Variants in GATAD2A observed in about 807,000 individuals in gnomAD.
The protein encoded by GATAD2A is GATA zinc finger domain containing 2A, also known as transcriptional repressor p66-alpha.
A neutral mutation model predicts 68.5 loss-of-function variants in GATAD2A; 12 were observed. The ratio of observed to expected loss-of-function variants is 0.18; its 90% confidence interval spans 0.11 to 0.28. The LOEUF is 0.28. Among genes scored for constraint, GATAD2A ranks in the 10% least tolerant of loss-of-function variants. The pLI is 1.00. For missense variants in GATAD2A, 755 were observed against 868.5 expected (o/e 0.87, Z 1.64); for synonymous variants, 410 against 375.3 (o/e 1.09, Z -1.07).
At chr19:19,401,430 G>A (rs1228876634), upstream of GATAD2A, among the ~76,000 whole-genome samples, 1 of 151,938 alleles carries the variant, frequency 6.6e-6, no homozygotes, top group Non-Finnish European at 1.5e-5. Context: ...AGCCAGGATG[G>A]TCTCGATCTC....
chr19:19,390,899 G>T (rs540068658), intron 1 of GATAD2A, among the ~76,000 whole-genome samples: 1 of 152,078 alleles, frequency 6.6e-6, no homozygotes, highest in African/African-American at 2.4e-5. Context: ...GCCATTTGAC[G>T]CCACACAATA....
At position 19,454,728 on chromosome 19, in the gene GATAD2A, GC is replaced by G. The variant is rs60087917; in HGVS notation, c.-6-10603del. Among the ~76,000 whole-genome samples the G allele has an allele frequency of 3.9e-4, 47 of 121,702 alleles. 2 individuals are homozygous for G. In the East Asian group the frequency reaches 4.1e-3, roughly 11 times the overall value. 79.8% of individuals were successfully genotyped at this position (121,702 alleles called of 152,430 possible). On this transcript the variant is annotated intron_variant, in intron 1 of 11. Coordinates refer to ENST00000683918, the MANE Select transcript of GATAD2A (RefSeq NM_001384528.1). Reference sequence around the variant, plus strand: ...TGGGATTACAGGTGTGAGCCACTGTGCCCCCCCCCACCCCCTTAGGTTTCTG... The same window carrying G: ...TGGGATTACAGGTGTGAGCCACTGTGCCCCCCCCACCCCCTTAGGTTTCTG...
chr19:19,498,166 A>C (rs2060273279), intron 7 of GATAD2A, among the ~76,000 whole-genome samples: 1 of 152,226 alleles, frequency 6.6e-6, no homozygotes, highest in African/African-American at 2.4e-5. Flanking sequence ...GGAGCACAGC[A>C]AACTATAGAT....
Position 19,492,452 on chromosome 19 carries a change from T to C in GATAD2A, c.402+14T>C. On this transcript the variant is annotated intron_variant, in intron 3 of 11. Coordinates refer to ENST00000683918, the MANE Select transcript of GATAD2A (RefSeq NM_001384528.1). ...GAGGCCCTCATGGTGAGCCACGTGT[T>C]GGCGCTGCCGCCGGAGCCCCACTGT... 1.2e-6 allele frequency: 2 copies of C among 1,613,882 alleles called. No individual in the cohort carries two copies. Among genetic ancestry groups the C allele is most frequent in the Non-Finnish European group, 1.7e-6 (2 of 1,179,852 alleles).
intron 1 of GATAD2A, among the ~76,000 whole-genome samples, chr19:19,413,727 G>A (rs954103047): frequency 6.6e-6 from 1 of 152,120 alleles, no homozygotes; most frequent in Non-Finnish European, 1.5e-5. Flanking sequence ...TAGGATTACA[G>A]ACACCCATAA....
At chr19:19,443,442 G>C (rs1013738257) in intron 1 of GATAD2A, among the ~76,000 whole-genome samples, 9 of 152,238 alleles carry the variant, frequency 5.9e-5, no homozygotes, top group Non-Finnish European at 1.2e-4. Context: ...ATTCCAGCCA[G>C]ATATGACTCC....
intron 2 of GATAD2A, among the ~76,000 whole-genome samples, chr19:19,476,329 C>T (rs1011227824): frequency 3.9e-5 from 6 of 152,208 alleles, no homozygotes; most frequent in East Asian, 1.9e-4. Context: ...TTTGCTGCTG[C>T]GGCTTCTGAT....
At chr19:19,415,217 A>T (rs1305479052) in intron 1 of GATAD2A, among the ~76,000 whole-genome samples, 1 of 149,974 alleles carries the variant, frequency 6.7e-6, no homozygotes, top group Non-Finnish European at 1.5e-5. Flanking sequence ...CAATGGCATG[A>T]TCTCAGCTCA....
intron 11 of GATAD2A, among the ~76,000 whole-genome samples, chr19:19,504,983 T>C (rs1407522054): frequency 6.6e-6 from 1 of 152,178 alleles, no homozygotes; most frequent in Non-Finnish European, 1.5e-5. Context: ...CCATCCTGCA[T>C]TATTGTCCTG....
Position 19,505,564 on chromosome 19 carries a change from C to T in GATAD2A, c.*90C>T, listed in dbSNP as rs991598903. On this transcript the variant is annotated 3_prime_UTR_variant, in exon 12 of 12. Coordinates refer to ENST00000683918, the MANE Select transcript of GATAD2A (RefSeq NM_001384528.1). ...CCCACTGCACCACCCTCCGCTGGCTCGGGAAGACACCGTGCCCGCCCCAAG... is the reference window on the plus strand; with the variant it reads ...CCCACTGCACCACCCTCCGCTGGCTTGGGAAGACACCGTGCCCGCCCCAAG... 1.5e-5 allele frequency: 18 copies of T among 1,193,372 alleles called. No individual in the cohort carries two copies. The highest frequency in any genetic ancestry group is 3.1e-5 in the African/African-American group (2 of 63,792). 73.9% of individuals were successfully genotyped at this position (1,193,372 alleles called of 1,614,324 possible).
chr19:19,465,107 C>G, intron 1 of GATAD2A: 1 of 586,538 alleles, frequency 1.7e-6, no homozygotes, highest in South Asian at 2.0e-5. Flanking sequence ...TTTGGCTCCA[C>G]CAATGTTCAG....
At chr19:19,400,011 G>A in intron 1 of GATAD2A, among the ~76,000 whole-genome samples, 1 of 149,350 alleles carries the variant, frequency 6.7e-6, no homozygotes, top group Non-Finnish European at 1.5e-5. Flanking sequence ...GTTTTTCCTG[G>A]TAGTTTTCTG....
chr19:19,495,655 ACTAGT>A, intron 5 of GATAD2A, 94 bp from the exon 6 acceptor site: 1 of 1,048,272 alleles, frequency 9.5e-7, no homozygotes, highest in Non-Finnish European at 1.3e-6. Flanking sequence ...AAAAAAAAAA[ACTAGT>A]ATGTACTTTC....
chr19:19,480,712 C>T (rs539753600), intron 2 of GATAD2A, among the ~76,000 whole-genome samples: 266 of 152,346 alleles, frequency 1.7e-3, no homozygotes, highest in Middle Eastern at 6.8e-3. Flanking sequence ...ATGGGCCAGT[C>T]GCCCCAACAC....
chr19:19,501,632 G>T (rs934001934), intron 9 of GATAD2A, among the ~76,000 whole-genome samples: 4 of 152,226 alleles, frequency 2.6e-5, no homozygotes, highest in Admixed American at 6.5e-5. Flanking sequence ...TTGTCTTCAA[G>T]GTCTTTTCTG....
chr19:19,487,633 C>T (rs1289514431), intron 2 of GATAD2A, among the ~76,000 whole-genome samples: 1 of 152,132 alleles, frequency 6.6e-6, no homozygotes, highest in Non-Finnish European at 1.5e-5. Context: ...CCATGACCTT[C>T]ACCCCGAGGC....
intron 1 of GATAD2A, among the ~76,000 whole-genome samples, chr19:19,454,473 C>T (rs1025055625): frequency 3.3e-5 from 5 of 151,912 alleles, no homozygotes; most frequent in Non-Finnish European, 7.4e-5. Flanking sequence ...TTGGCACCCA[C>T]CTGTGGTCCC....
At chr19:19,493,204 G>T (rs1206657958) in intron 4 of GATAD2A, among the ~76,000 whole-genome samples, 1 of 152,332 alleles carries the variant, frequency 6.6e-6, no homozygotes, top group East Asian at 1.9e-4. Flanking sequence ...CTCCCAAAGT[G>T]CTGGGATTAC....
chr19:19,483,065 G>A (rs555647495), intron 2 of GATAD2A, among the ~76,000 whole-genome samples: 9 of 152,274 alleles, frequency 5.9e-5, no homozygotes, highest in Admixed American at 2.6e-4. Flanking sequence ...CCTAGAAGGC[G>A]TTCTGGCAGC....
Sources: gnomAD v4.1 joint callset for allele counts (sites outside exome capture counted in the v4.1 genomes callset) on GRCh38, gnomAD v4.1.1 for gene constraint, MANE v1.5 for transcripts, NCBI Gene and HGNC (gene_info 2026-07-23, HGNC 2026-07-21) for gene names.